Variants in CCDC39 observed in about 807,000 individuals in gnomAD.
CCDC39 encodes the protein coiled-coil domain 39 molecular ruler complex subunit.
CCDC39 carries 113 observed loss-of-function variants against 121.0 expected under a neutral mutation model. The observed-to-expected ratio is 0.93, with a 90% CI of 0.80 to 1.09. CCDC39 has a LOEUF of 1.09. Among genes scored for constraint, CCDC39 ranks in the 50% least tolerant of loss-of-function variants. CCDC39 has a pLI of 0.00. For synonymous variants in CCDC39, 349 were observed against 352.2 expected (o/e 0.99, Z 0.10); for missense variants, 1,063 against 1,074.7 (o/e 0.99, Z 0.15).
intron 1 of CCDC39, among the ~76,000 whole-genome samples, chr3:180,675,982 C>A (rs1294283579): frequency 6.6e-6 from 1 of 152,102 alleles, no homozygotes. Flanking sequence ...ACACCTTATA[C>A]AAAAATTAAT....
chr3:180,617,530 T>C, intron 16 of CCDC39: 1 of 636,386 alleles, frequency 1.6e-6, no homozygotes, highest in Middle Eastern at 2.5e-4. Flanking sequence ...GATATGGAGG[T>C]GGAAGACAGT....
rs1328483574 is a variant in CCDC39, at chr3:180,651,465, A to G, written c.1103T>C (p.Met368Thr). The G allele has an allele frequency of 1.3e-6, 2 of 1,552,772 alleles. No homozygotes were observed. Among genetic ancestry groups the G allele is most frequent in the Non-Finnish European group, 8.7e-7 (1 of 1,146,438 alleles). ...TKLKEITEKT[M>T]SVEEKATNLE... ...ATTAGTAGCTTTCTCTTCTACAGAC[A>G]TGGTTTTCTCAGTTATCTCCTTTAA... The change falls in exon 9 of 20, where the codon ATG becomes ACG. Residue 368 changes from methionine (M) to threonine (T), a missense_variant. Coordinates refer to ENST00000476379, the MANE Select transcript of CCDC39 (RefSeq NM_181426.2).
At chr3:180,626,618 C>T (rs1717568629) in intron 14 of CCDC39, among the ~76,000 whole-genome samples, 1 of 152,198 alleles carries the variant, frequency 6.6e-6, no homozygotes, top group Non-Finnish European at 1.5e-5. Flanking sequence ...CAATGTCAAC[C>T]TGCACTTGGC....
chr3:180,634,324 C>T (rs1388200932), intron 13 of CCDC39, among the ~76,000 whole-genome samples: 16 of 152,152 alleles, frequency 1.1e-4, no homozygotes, highest in Admixed American at 8.5e-4. Flanking sequence ...TCCGTATTTG[C>T]AACAAGCTGC....
In CCDC39 at chr3:180,640,342, G is replaced by GT. The variant is rs762253462; in HGVS notation, c.1874+1650dup. 4.7e-4 allele frequency among the ~76,000 whole-genome samples: 72 copies of GT among 151,704 alleles called. No homozygotes were observed. The East Asian group carries it at 7.2e-3, about 15-fold the overall frequency. On this transcript the variant is annotated intron_variant, in intron 13 of 19. Transcript: ENST00000476379. ...ATGCAGCTAATATAATACTTAGAGGGTTTTTTTTACTTCAAAACTGAAAAT... is the reference window on the plus strand; with the variant it reads ...ATGCAGCTAATATAATACTTAGAGGGTTTTTTTTTACTTCAAAACTGAAAAT...
chr3:180,674,054 T>C (rs1026879985), intron 1 of CCDC39, among the ~76,000 whole-genome samples: 1 of 152,156 alleles, frequency 6.6e-6, no homozygotes. Flanking sequence ...ATTGAATCTG[T>C]AAATTACCTT....
At chr3:180,652,478 A>G (rs1711505429) in intron 7 of CCDC39, among the ~76,000 whole-genome samples, 1 of 152,188 alleles carries the variant, frequency 6.6e-6, no homozygotes, top group Admixed American at 6.5e-5. Context: ...CTAGCAAATT[A>G]TAGAGAACAC....
chr3:180,661,794 C>T (rs1246449408), intron 3 of CCDC39, 67 bp downstream of exon 3: 1 of 1,400,618 alleles, frequency 7.1e-7, no homozygotes, highest in South Asian at 1.4e-5. Context: ...AAAAAAAAGT[C>T]AATGCTCATT....
At chr3:180,650,114 CAAG>C (rs1039251338) in intron 9 of CCDC39, among the ~76,000 whole-genome samples, 1 of 152,088 alleles carries the variant, frequency 6.6e-6, no homozygotes, top group African/African-American at 2.4e-5. Flanking sequence ...CGAGTAAAAG[CAAG>C]AAGTAGAGTC....
At position 180,651,836 on chromosome 3, in the gene CCDC39, G is replaced by C. The variant is rs570306921; in HGVS notation, c.1035-303C>G. Among the ~76,000 whole-genome samples the C allele has an allele frequency of 3.3e-5, 5 of 152,236 alleles. No individual in the cohort carries two copies. In the East Asian group the frequency reaches 7.7e-4, roughly 24 times the overall value. On this transcript the variant is annotated intron_variant, in intron 8 of 19. Transcript: ENST00000476379. ...GCAGATCACGAGGTCAGGAGATCAA[G>C]ACCATCCTGGCTAACACGGTGAAAC...
At chr3:180,620,310 T>C (rs979452871) in intron 14 of CCDC39, among the ~76,000 whole-genome samples, 1 of 151,980 alleles carries the variant, frequency 6.6e-6, no homozygotes, top group African/African-American at 2.4e-5. Flanking sequence ...TGATACTAGA[T>C]ATTAAATCAG....
chr3:180,666,560 G>A (rs1183990106), intron 1 of CCDC39, among the ~76,000 whole-genome samples: 2 of 151,980 alleles, frequency 1.3e-5, no homozygotes, highest in Non-Finnish European at 2.9e-5. Flanking sequence ...TTTGTGTTTT[G>A]TACATACAGC....
intron 9 of CCDC39, 30 bp downstream of exon 9, chr3:180,651,371 A>C: frequency 6.5e-7 from 1 of 1,530,940 alleles, no homozygotes. Flanking sequence ...ATTTTCTGTG[A>C]TTTAAAGAAA....
Position 180,660,655 on chromosome 3 carries a change from TC to T in CCDC39, c.430del (p.Glu144ArgfsTer4). 1 of 1,603,478 alleles carries T rather than the reference TC, an allele frequency of 6.2e-7. No homozygotes were observed. The highest frequency in any genetic ancestry group is 8.5e-7 in the Non-Finnish European group (1 of 1,174,190). On this transcript the variant is annotated frameshift_variant, in exon 4 of 20. Coordinates refer to ENST00000476379, the MANE Select transcript of CCDC39 (RefSeq NM_181426.2). LOFTEE classifies it high-confidence loss of function. ...ATGAGCTGATTCTTCTAACCAGGCC[TC>T]CAATGCTTGCTGGTCCCAGTTCATT... Reference protein sequence around the residue: ...CQMNWDQQALEAWLEESAHKD... With the variant: ...CQMNWDQQALXAWLEESAHKD...
In CCDC39 at chr3:180,679,441, C is replaced by G; in HGVS notation, c.-61G>C. The G allele has an allele frequency of 6.8e-7, 1 of 1,480,974 alleles. No individual in the cohort carries two copies. Among genetic ancestry groups the G allele is most frequent in the Admixed American group, 1.7e-5 (1 of 59,870 alleles). 91.7% of individuals were successfully genotyped at this position (1,480,974 alleles called of 1,614,324 possible). A position where few individuals can be genotyped will look rare whatever the true frequency, so the allele number is the denominator to read the frequency against. Reference sequence around the variant, plus strand: ...TCCGCCTTCTTGTACAGCGGGTGAGCAGCACCCGCGTCAAGCCCAGGCACC... The same window carrying G: ...TCCGCCTTCTTGTACAGCGGGTGAGGAGCACCCGCGTCAAGCCCAGGCACC... On this transcript the variant is annotated 5_prime_UTR_variant, in exon 1 of 20. Coordinates refer to ENST00000476379, the MANE Select transcript of CCDC39 (RefSeq NM_181426.2). This position sits in a 1 kb window ranked among gnomAD's most constrained non-coding sequence, Gnocchi z 4.0.
At chr3:180,637,182 C>T (rs1282976965) in intron 13 of CCDC39, among the ~76,000 whole-genome samples, 1 of 152,074 alleles carries the variant, frequency 6.6e-6, no homozygotes, top group Non-Finnish European at 1.5e-5. Context: ...AACTCTGCAT[C>T]TGATAAAGGT....
intron 14 of CCDC39, among the ~76,000 whole-genome samples, chr3:180,622,398 T>C (rs557105038): frequency 6.6e-6 from 1 of 152,236 alleles, no homozygotes; most frequent in South Asian, 2.1e-4. Context: ...TGAAAGACTT[T>C]CATTTATTTC....
Position 180,660,712 on chromosome 3 carries a change from GCT to G in CCDC39, c.372_373del (p.Lys124AsnfsTer29). 2 of 1,600,960 alleles carry G rather than the reference GCT, an allele frequency of 1.2e-6. No homozygotes were observed. Among genetic ancestry groups the G allele is most frequent in the Non-Finnish European group, 1.7e-6 (2 of 1,172,866 alleles). ...TTTCAAACCATCCAATTTTTGAGTG[GCT>G]TTAAATATGCCATTCTAATTTCCAA... On this transcript the variant is annotated frameshift_variant, in exon 4 of 20. Transcript: ENST00000476379. LOFTEE classifies it high-confidence loss of function.
At position 180,654,820 on chromosome 3, in the gene CCDC39, A is replaced by C; in HGVS notation, c.872T>G (p.Leu291Ter). 6.2e-7 allele frequency: 1 copy of C among 1,611,192 alleles called. No homozygotes were observed. ...GTCCTGATATGCCGTTCTACATTTTAAAAGTTTACGATCAGCCACAGAAAT... is the reference window on the plus strand; with the variant it reads ...GTCCTGATATGCCGTTCTACATTTTCAAAGTTTACGATCAGCCACAGAAAT... ...KRISVADRKL[L>*]KCRTAYQDHE... The change falls in exon 7 of 20, where the codon TTA (leucine) becomes TGA (stop). Residue 291 changes from leucine to a stop codon, truncating the protein, a stop_gained. Coordinates refer to ENST00000476379, the MANE Select transcript of CCDC39 (RefSeq NM_181426.2). LOFTEE classifies it high-confidence loss of function.
Sources: gnomAD v4.1 joint callset for allele counts (sites outside exome capture counted in the v4.1 genomes callset) on GRCh38, gnomAD v4.1.1 for gene constraint, Gnocchi (gnomAD v3.1) non-coding constraint, MANE v1.5 for transcripts, NCBI Gene and HGNC (gene_info 2026-07-23, HGNC 2026-07-21) for gene names.